COL4A4: variants seen among roughly 807,000 people sequenced by gnomAD.
COL4A4 encodes collagen alpha-4(IV) chain.
Under a neutral mutation model 192.9 loss-of-function variants are expected in COL4A4, and 105 were observed. That is an observed-to-expected ratio of 0.54 (90% CI 0.46 to 0.64). The LOEUF is 0.64. Ranked by LOEUF, COL4A4 falls within the 30% of genes least tolerant of loss-of-function variation. The probability of loss-of-function intolerance (pLI) is 0.00; values close to 1 mark genes in which losing one functional copy is unlikely to be tolerated. For missense variants in COL4A4, 1,967 were observed against 2,169.3 expected (o/e 0.91, Z 1.85); for synonymous variants, 762 against 769.9 (o/e 0.99, Z 0.17).
At chr2:227,108,995 G>A in intron 10 of COL4A4, 127 bp from the exon 11 acceptor site, 4 of 1,017,782 alleles carry the variant, frequency 3.9e-6, no homozygotes, top group Non-Finnish European at 3.1e-6. Context: ...CAGTGATGGA[G>A]TTTCTATCAT....
intron 4 of COL4A4, among the ~76,000 whole-genome samples, chr2:227,128,692 T>C (rs879251398): frequency 6.6e-6 from 1 of 152,136 alleles, no homozygotes; most frequent in Non-Finnish European, 1.5e-5. Flanking sequence ...CCAAATCTCA[T>C]GCTCCCATCT....
intron 22 of COL4A4, among the ~76,000 whole-genome samples, chr2:227,084,913 C>A (rs185773788): frequency 6.3e-4 from 96 of 152,196 alleles, no homozygotes; most frequent in African/African-American, 2.2e-3. Flanking sequence ...GGGAAGATCA[C>A]CTGAGGTCAG....
chr2:227,066,624 T>A (rs1238635196), intron 25 of COL4A4, among the ~76,000 whole-genome samples: 2 of 150,154 alleles, frequency 1.3e-5, no homozygotes, highest in African/African-American at 4.9e-5. Flanking sequence ...CTAAGCTTCA[T>A]AAGTGAAGGA....
rs1314678225 is a variant in COL4A4, at chr2:227,118,870, G to A, written c.373-109C>T. 4 of 772,522 alleles carry A rather than the reference G, an allele frequency of 5.2e-6. No individual in the cohort carries two copies. The African/African-American group carries it at 6.8e-5, about 13-fold the overall frequency. The allele number at this position is 772,522 out of a possible 1,614,324, so 47.9% of individuals were successfully genotyped here. On this transcript the variant is annotated intron_variant, in intron 6 of 47. Transcript: ENST00000396625. Reference sequence around the variant, plus strand: ...GGCAATTGTGATTCACACATTTACTGTTTAGTTTTGTGAAACTTTCTCTTT... The same window carrying A: ...GGCAATTGTGATTCACACATTTACTATTTAGTTTTGTGAAACTTTCTCTTT...
the COL4A4 span, among the ~76,000 whole-genome samples, chr2:226,971,322 C>T: frequency 6.6e-6 from 1 of 152,196 alleles, no homozygotes; most frequent in Non-Finnish European, 1.5e-5. Flanking sequence ...AAGTGAAGTA[C>T]AAGTAAGTGG....
intron 19 of COL4A4, among the ~76,000 whole-genome samples, chr2:227,096,194 A>G (rs1487920068): frequency 6.6e-6 from 1 of 152,162 alleles, no homozygotes. Context: ...CATATAAGCA[A>G]TGATAAGAAG....
At chr2:227,087,910 C>T (rs1260591879) in intron 22 of COL4A4, among the ~76,000 whole-genome samples, 1 of 152,186 alleles carries the variant, frequency 6.6e-6, no homozygotes, top group Non-Finnish European at 1.5e-5. Flanking sequence ...TCTCTTCTCT[C>T]CAGCTACAAT....
chr2:227,025,536 T>C (rs765939531), intron 43 of COL4A4, among the ~76,000 whole-genome samples: 6 of 152,210 alleles, frequency 3.9e-5, no homozygotes, highest in Non-Finnish European at 7.3e-5. Flanking sequence ...AAAGCCCACA[T>C]ACTTCATGCC....
At chr2:226,981,917 A>C in the COL4A4 span, among the ~76,000 whole-genome samples, 1 of 152,208 alleles carries the variant, frequency 6.6e-6, no homozygotes, top group African/African-American at 2.4e-5. Context: ...ATCTACTCCA[A>C]ACAGATAAAG....
At chr2:227,015,794 G>A (rs1052454838) in intron 44 of COL4A4, among the ~76,000 whole-genome samples, 4 of 152,126 alleles carry the variant, frequency 2.6e-5, no homozygotes, top group East Asian at 1.9e-4. Flanking sequence ...AGGAAAATAC[G>A]CAATGACATA....
intron 25 of COL4A4, among the ~76,000 whole-genome samples, chr2:227,076,558 A>ATCAT (rs2059033511): frequency 6.6e-6 from 1 of 152,226 alleles, no homozygotes; most frequent in African/African-American, 2.4e-5. Context: ...CCTAGGCAAT[A>ATCAT]TCATTCAGGA....
chr2:227,091,219 A>G (rs537019136), intron 20 of COL4A4, among the ~76,000 whole-genome samples: 1 of 152,062 alleles, frequency 6.6e-6, no homozygotes, highest in Admixed American at 6.6e-5. Context: ...AAAAGGAAAC[A>G]TTAAAAGAGA....
intron 1 of COL4A4, among the ~76,000 whole-genome samples, chr2:227,148,363 A>G (rs2063692165): frequency 6.6e-6 from 1 of 152,244 alleles, no homozygotes; most frequent in Non-Finnish European, 1.5e-5. Flanking sequence ...AGCATGAATG[A>G]ATCTCGACAA....
intron 22 of COL4A4, among the ~76,000 whole-genome samples, chr2:227,085,295 G>A (rs902696113): frequency 9.9e-5 from 15 of 152,108 alleles, no homozygotes; most frequent in Non-Finnish European, 1.9e-4. Flanking sequence ...GAATCAACCC[G>A]CAGCCACAGC....
chr2:227,083,434 C>T (rs2059423928), intron 22 of COL4A4, among the ~76,000 whole-genome samples: 1 of 152,006 alleles, frequency 6.6e-6, no homozygotes, highest in South Asian at 2.1e-4. Flanking sequence ...ACTACCTTGT[C>T]GTATTTTCTT....
At chr2:227,024,821 A>C (rs1218447955) in intron 43 of COL4A4, among the ~76,000 whole-genome samples, 1 of 152,234 alleles carries the variant, frequency 6.6e-6, no homozygotes, top group Non-Finnish European at 1.5e-5. Context: ...AGAGAGATGC[A>C]TAGAGGCATC....
chr2:227,149,129 G>A lies in COL4A4; in HGVS notation c.-101-1545C>T, dbSNP rs564518017. 2.1e-4 allele frequency among the ~76,000 whole-genome samples: 32 copies of A among 152,208 alleles called. No homozygotes were observed. The South Asian group carries it at 5.0e-3, about 24-fold the overall frequency. ...CTCCCAAAGTGCTGAGATTACAGGC[G>A]TGAGCCACTGCACCTGGCCATTACC... On this transcript the variant is annotated intron_variant, in intron 1 of 47. Coordinates refer to ENST00000396625, the MANE Select transcript of COL4A4 (RefSeq NM_000092.5).
chr2:226,967,562 A>G, the COL4A4 span, among the ~76,000 whole-genome samples: 1 of 123,090 alleles, frequency 8.1e-6, no homozygotes, highest in African/African-American at 3.2e-5. Flanking sequence ...AACTTTCTGC[A>G]TGTGATGGCT....
At chr2:227,055,208 C>T (rs1019886811) in intron 30 of COL4A4, among the ~76,000 whole-genome samples, 1 of 152,126 alleles carries the variant, frequency 6.6e-6, no homozygotes, top group Non-Finnish European at 1.5e-5. Context: ...AATTGCCAAC[C>T]TCACTGCACT....
Sources: allele counts gnomAD v4.1 joint callset (sites outside exome capture counted in the v4.1 genomes callset), GRCh38; gene constraint gnomAD v4.1.1; transcripts MANE v1.5; gene names NCBI Gene and HGNC (gene_info 2026-07-23, HGNC 2026-07-21).